Variants in TNKS observed in about 807,000 individuals in gnomAD.
TNKS encodes poly [ADP-ribose] polymerase tankyrase-1.
TNKS carries 72 observed loss-of-function variants against 135.8 expected under a neutral mutation model. The ratio of observed to expected loss-of-function variants is 0.53; its 90% confidence interval spans 0.44 to 0.64. The LOEUF (loss-of-function observed/expected upper bound fraction) is 0.64, where lower values mean the gene tolerates loss of function less well. TNKS is among the 30% of genes least tolerant of loss of function. The probability of loss-of-function intolerance (pLI) is 0.00; values close to 1 mark genes in which losing one functional copy is unlikely to be tolerated. For missense variants in TNKS, 1,769 were observed against 1,674.0 expected, an observed-to-expected ratio of 1.06 and a Z score of -0.99; for synonymous variants, 849 against 649.3, an observed-to-expected ratio of 1.31 and a Z score of -4.68.
chr8:9,644,939 C>T (rs1292054272), intron 3 of TNKS, among the ~76,000 whole-genome samples: 4 of 152,100 alleles, frequency 2.6e-5, no homozygotes, highest in Non-Finnish European at 4.4e-5. Context: ...GATTTTGCCC[C>T]ACTATAGGCC....
At chr8:9,749,548 C>T (rs1806410320) in intron 18 of TNKS, among the ~76,000 whole-genome samples, 1 of 151,310 alleles carries the variant, frequency 6.6e-6, no homozygotes, top group East Asian at 1.9e-4. Context: ...GATCATGGCT[C>T]ACCACAACCC....
chr8:9,594,636 A>C (rs965747409), intron 2 of TNKS, among the ~76,000 whole-genome samples: 1 of 152,184 alleles, frequency 6.6e-6, no homozygotes, highest in Non-Finnish European at 1.5e-5. Context: ...TTTTATTGTC[A>C]GTGAATATTT....
At chr8:9,560,727 A>G in intron 1 of TNKS, among the ~76,000 whole-genome samples, 1 of 151,908 alleles carries the variant, frequency 6.6e-6, no homozygotes, top group Non-Finnish European at 1.5e-5. Flanking sequence ...AGAAGGGTCT[A>G]ATTTGGTAAT....
At chr8:9,664,525 C>T (rs919843543) in intron 3 of TNKS, among the ~76,000 whole-genome samples, 1 of 152,204 alleles carries the variant, frequency 6.6e-6, no homozygotes, top group Admixed American at 6.5e-5. Context: ...AGCACGTTAA[C>T]ATATAAAAAT....
chr8:9,754,622 T>C (rs749416721), intron 20 of TNKS, among the ~76,000 whole-genome samples: 2 of 152,174 alleles, frequency 1.3e-5, no homozygotes, highest in Non-Finnish European at 2.9e-5. Flanking sequence ...ATTCTAATTA[T>C]TTTTACCCTC....
At position 9,763,257 on chromosome 8, in the gene TNKS, A is replaced by G. The variant is rs745442638; in HGVS notation, c.3372+13A>G. 3 of 1,522,724 alleles carry G rather than the reference A, an allele frequency of 2.0e-6. No individual in the cohort carries two copies. Among genetic ancestry groups the G allele is most frequent in the Non-Finnish European group, 2.7e-6 (3 of 1,113,138 alleles). 94.3% of individuals were successfully genotyped at this position (1,522,724 alleles called of 1,614,324 possible). A position where few individuals can be genotyped will look rare whatever the true frequency, so the allele number is the denominator to read the frequency against. On this transcript the variant is annotated intron_variant, in intron 22 of 26. Transcript: ENST00000310430. The stretch of plus-strand genomic sequence containing the variant: ...AGTGGAAGAAGAGGTAATATACATC[A>G]GAAATCTTTCATTTGCTTTTCTTGA...
At chr8:9,604,065 C>T (rs1277280697) in intron 2 of TNKS, among the ~76,000 whole-genome samples, 1 of 152,096 alleles carries the variant, frequency 6.6e-6, no homozygotes, top group African/African-American at 2.4e-5. Context: ...ATAAGTACTA[C>T]ATTTATATCA....
chr8:9,623,776 C>G (rs1027686075), intron 3 of TNKS, among the ~76,000 whole-genome samples: 1 of 152,010 alleles, frequency 6.6e-6, no homozygotes, highest in African/African-American at 2.4e-5. Flanking sequence ...CCAAGGCAGG[C>G]AGATCACTTG....
chr8:9,758,962 C>G (rs1474460747), intron 20 of TNKS, among the ~76,000 whole-genome samples: 3 of 152,210 alleles, frequency 2.0e-5, no homozygotes, highest in East Asian at 1.9e-4. Flanking sequence ...GGATCCCCTT[C>G]CATACCCTCA....
chr8:9,561,533 C>T (rs1361776192), intron 1 of TNKS, among the ~76,000 whole-genome samples: 1 of 152,152 alleles, frequency 6.6e-6, no homozygotes, highest in Non-Finnish European at 1.5e-5. Flanking sequence ...TAACGTGTAT[C>T]AGTAGTTTCT....
chr8:9,717,110 G>C (rs1804655205), intron 11 of TNKS, among the ~76,000 whole-genome samples: 1 of 45,716 alleles, frequency 2.2e-5, no homozygotes, highest in Non-Finnish European at 4.9e-5. Flanking sequence ...TATTTTCAGG[G>C]AATTTGATTG....
At chr8:9,727,491 C>G (rs1038979877) in intron 13 of TNKS, among the ~76,000 whole-genome samples, 3 of 152,138 alleles carry the variant, frequency 2.0e-5, no homozygotes, top group Non-Finnish European at 2.9e-5. Flanking sequence ...AGGCCTCAAA[C>G]TCCTGGGGCT....
intron 3 of TNKS, among the ~76,000 whole-genome samples, chr8:9,619,573 G>A (rs1028250769): frequency 1.3e-5 from 2 of 152,096 alleles, no homozygotes; most frequent in African/African-American, 4.8e-5. Context: ...TGTGGAAGGA[G>A]GATATGTTTG....
chr8:9,579,572 G>A (rs995853318), intron 1 of TNKS, among the ~76,000 whole-genome samples: 1 of 152,170 alleles, frequency 6.6e-6, no homozygotes, highest in African/African-American at 2.4e-5. Flanking sequence ...AGGTTCAAGC[G>A]ATTCTCGTGC....
chr8:9,776,539 C>A, intron 26 of TNKS, 111 bp from the exon 27 acceptor site: 1 of 901,220 alleles, frequency 1.1e-6, no homozygotes, highest in Non-Finnish European at 1.7e-6. Context: ...GAAACTGAGT[C>A]TATATAGAAT....
At position 9,608,294 on chromosome 8, in the gene TNKS, A is replaced by G. The variant is rs908842058; in HGVS notation, c.899-7288A>G. ...GCATCATCAGTGCAAATGTTAATAT[A>G]ATGAAACAAAGGAATAATATCTTAA... is the stretch of plus-strand genomic sequence containing the variant. On this transcript the variant is annotated intron_variant, in intron 2 of 26. Transcript: ENST00000310430. 2.6e-5 allele frequency among the ~76,000 whole-genome samples: 4 copies of G among 152,304 alleles called. No homozygotes were observed. In the South Asian group the frequency reaches 6.2e-4, roughly 24 times the overall value.
chr8:9,648,526 G>A (rs767805090), intron 3 of TNKS, among the ~76,000 whole-genome samples: 1 of 152,084 alleles, frequency 6.6e-6, no homozygotes, highest in Non-Finnish European at 1.5e-5. Context: ...AAAGGTCTTC[G>A]TGGACAATAA....
chr8:9,631,074 C>G (rs559524838), intron 3 of TNKS, among the ~76,000 whole-genome samples: 6 of 152,246 alleles, frequency 3.9e-5, no homozygotes, highest in African/African-American at 1.4e-4. Flanking sequence ...CACAAGGCTG[C>G]TTTTTTAAAC....
At chr8:9,666,459 C>G (rs1030328439) in intron 3 of TNKS, among the ~76,000 whole-genome samples, 4 of 152,124 alleles carry the variant, frequency 2.6e-5, no homozygotes, top group African/African-American at 4.8e-5. Context: ...GTAGCTCACG[C>G]CTGTAATCCC....
Sources: gnomAD v4.1 joint callset for allele counts (sites outside exome capture counted in the v4.1 genomes callset) on GRCh38, gnomAD v4.1.1 for gene constraint, MANE v1.5 for transcripts, NCBI Gene and HGNC (gene_info 2026-07-23, HGNC 2026-07-21) for gene names.